The following BSN variants were observed in gnomAD, a reference collection of about 807,000 sequenced individuals.
The protein encoded by BSN is bassoon presynaptic cytomatrix protein.
BSN carries 57 observed loss-of-function variants against 264.8 expected under a neutral mutation model. The ratio of observed to expected loss-of-function variants is 0.22; its 90% CI spans 0.17 to 0.27. BSN has a LOEUF of 0.27. Ranked by LOEUF, BSN falls within the 10% of genes least tolerant of loss-of-function variation. The pLI, the probability that BSN is intolerant of heterozygous loss-of-function variation, is 1.00. For synonymous variants in BSN, 2,059 were observed against 2,137.3 expected, an observed-to-expected ratio of 0.96 and a Z score of 1.01; for missense variants, 4,615 against 5,232.5, an observed-to-expected ratio of 0.88 and a Z score of 3.64.
intron 1 of BSN, among the ~76,000 whole-genome samples, chr3:49,583,161 G>A (rs2051907928): frequency 6.6e-6 from 1 of 151,854 alleles, no homozygotes; most frequent in East Asian, 1.9e-4. Flanking sequence ...TAGAGATGGG[G>A]TTTCACTATA....
At chr3:49,659,396 A>G (rs990407995) in intron 5 of BSN, among the ~76,000 whole-genome samples, 5 of 152,198 alleles carry the variant, frequency 3.3e-5, no homozygotes, top group Non-Finnish European at 7.3e-5. Context: ...GAGGGGTTCA[A>G]AAGGCTAAAT....
At chr3:49,662,631 T>C in intron 6 of BSN, 69 bp downstream of exon 6, 2 of 1,522,708 alleles carry the variant, frequency 1.3e-6, no homozygotes, top group East Asian at 4.6e-5. Flanking sequence ...TGTGGGGCCC[T>C]GGGCCCTAAG....
In BSN at chr3:49,655,300, G is replaced by A. The variant is rs2052588836; in HGVS notation, c.5744G>A (p.Gly1915Asp). The part of the protein sequence containing the change: ...YKLPFGSSCT[G>D]TFHPAPSVPE... ...CTCCCCTTTGGCAGCAGCTGCACTGGCACCTTCCACCCGGCCCCCAGTGTG... is the reference window on the plus strand; with the variant it reads ...CTCCCCTTTGGCAGCAGCTGCACTGACACCTTCCACCCGGCCCCCAGTGTG... Residue 1915 changes from glycine (G) to aspartate (D), a missense_variant, in exon 5 of 12, where the codon GGC (glycine) becomes GAC (aspartate). By Grantham distance (94) the Gly-to-Asp change is moderately conservative. Transcript: ENST00000296452. 3 of 1,612,152 alleles carry A rather than the reference G, an allele frequency of 1.9e-6. No homozygotes were observed. Among genetic ancestry groups the A allele is most frequent in the East Asian group, 2.2e-5 (1 of 44,902 alleles).
At chr3:49,659,618 GA>G (rs1208965611) in intron 5 of BSN, among the ~76,000 whole-genome samples, 1 of 152,084 alleles carries the variant, frequency 6.6e-6, no homozygotes, top group Non-Finnish European at 1.5e-5. Context: ...AGGAGCGAGA[GA>G]AAAAGGGAGA....
chr3:49,588,919 G>GTT (rs752329033), intron 1 of BSN, among the ~76,000 whole-genome samples: 3 of 141,270 alleles, frequency 2.1e-5, no homozygotes, highest in African/African-American at 5.1e-5. Flanking sequence ...TGGGTGGAGT[G>GTT]TTTTTTTTTT....
rs112319921 is a variant in BSN at position 49,598,575 on chromosome 3, G to A, written c.225-26400G>A. Among the ~76,000 whole-genome samples, 13 of 152,264 alleles carry A rather than the reference G, an allele frequency of 8.5e-5. 1 individual carries two copies. Among genetic ancestry groups the A allele is most frequent in the African/African-American group, 2.6e-4 (11 of 41,536 alleles). ...GCCTCCCAAAGTGCTGGGATTACAG[G>A]TGTGAGGCACCATGCCTGGCCTTTT... On this transcript the variant is annotated intron_variant, in intron 1 of 11. Coordinates refer to ENST00000296452, the MANE Select transcript of BSN (RefSeq NM_003458.4).
intron 1 of BSN, among the ~76,000 whole-genome samples, chr3:49,617,283 TTATA>T (rs6147817): frequency 0.027 from 3,321 of 121,708 alleles, 139 homozygotes; most frequent in African/African-American, 0.099. Context: ...ATAAAATACA[TTATA>T]TATATATATA....
intron 1 of BSN, among the ~76,000 whole-genome samples, chr3:49,606,414 A>G (rs761465885): frequency 5.4e-5 from 7 of 130,738 alleles, no homozygotes; most frequent in Non-Finnish European, 1.0e-4. Flanking sequence ...CTCCTTTCTC[A>G]TTCATATTGT....
At chr3:49,644,880 C>T (rs180866044) in intron 3 of BSN, among the ~76,000 whole-genome samples, 2 of 152,344 alleles carry the variant, frequency 1.3e-5, no homozygotes, top group Non-Finnish European at 2.9e-5. Flanking sequence ...TCTTGGCCGT[C>T]CCTGGGCCAG....
chr3:49,605,579 A>AT (rs1198793284), intron 1 of BSN, among the ~76,000 whole-genome samples: 1 of 1,066 alleles, frequency 9.4e-4, no homozygotes, highest in Non-Finnish European at 1.8e-3. Context: ...TATTATATAT[A>AT]TTATATATTT....
At chr3:49,614,568 A>G (rs556102136) in intron 1 of BSN, among the ~76,000 whole-genome samples, 4 of 152,258 alleles carry the variant, frequency 2.6e-5, no homozygotes, top group South Asian at 2.1e-4. Flanking sequence ...GCCTGGTGCA[A>G]TTCTTAGTGA....
intron 2 of BSN, among the ~76,000 whole-genome samples, chr3:49,632,758 C>T (rs911260284): frequency 4.0e-5 from 6 of 151,700 alleles, no homozygotes; most frequent in Non-Finnish European, 7.4e-5. Context: ...GAATCAAGAT[C>T]GCACTACTGG....
intron 1 of BSN, among the ~76,000 whole-genome samples, chr3:49,618,366 A>G (rs1408167776): frequency 1.3e-5 from 2 of 152,208 alleles, no homozygotes; most frequent in Non-Finnish European, 2.9e-5. Context: ...AGCCAAAGCC[A>G]GAATACCTGC....
chr3:49,624,063 C>T (rs535983762), intron 1 of BSN, among the ~76,000 whole-genome samples: 95 of 152,106 alleles, frequency 6.2e-4, no homozygotes, highest in Non-Finnish European at 4.6e-4. Context: ...TGCAGTGGCA[C>T]GATCTTGGCT....
In BSN at chr3:49,652,230, C is replaced by T; in HGVS notation, c.2674C>T (p.Leu892=). 6.2e-7 allele frequency: 1 copy of T among 1,611,080 alleles called. No individual in the cohort carries two copies. Among genetic ancestry groups the T allele is most frequent in the African/African-American group, 1.3e-5 (1 of 74,976 alleles). The stretch of plus-strand genomic sequence containing the variant: ...TGAGCCTAGCCAAGAACCAGCAGCA[C>T]TGCCCAAGAGGCGCCTGCCCCACAA... ...RPEPSQEPAA[L]PKRRLPHNAT... Residue 892 remains leucine (L), a synonymous_variant, in exon 5 of 12, where the codon CTG becomes TTG. Coordinates refer to ENST00000296452, the MANE Select transcript of BSN (RefSeq NM_003458.4).
At position 49,657,012 on chromosome 3, in the gene BSN, C is replaced by A. The variant is rs1468308342; in HGVS notation, c.7456C>A (p.Arg2486=). 2 of 1,610,476 alleles carry A rather than the reference C, an allele frequency of 1.2e-6. No homozygotes were observed. Among genetic ancestry groups the A allele is most frequent in the South Asian group, 2.2e-5 (2 of 90,982 alleles). Reference sequence around the variant, plus strand: ...TCCTGCAGCCTGTGAGGCACCTGGCCGAGGGCCTCCCCTAGCGGCTGCTGA... The same window carrying A: ...TCCTGCAGCCTGTGAGGCACCTGGCAGAGGGCCTCCCCTAGCGGCTGCTGA... ...PFPAACEAPG[R]GPPLAAAELA... The change falls in exon 5 of 12, where the codon CGA becomes AGA. Residue 2486 remains arginine (R), a synonymous_variant. Coordinates refer to ENST00000296452, the MANE Select transcript of BSN (RefSeq NM_003458.4).
chr3:49,653,021 G>A lies in BSN; in HGVS notation c.3465G>A (p.Leu1155=), dbSNP rs2052557891. 1 of 1,613,438 alleles carries A rather than the reference G, an allele frequency of 6.2e-7. No homozygotes were observed. The highest frequency in any genetic ancestry group is 8.5e-7 in the Non-Finnish European group (1 of 1,179,970). Residue 1155 remains leucine (L), a synonymous_variant, in exon 5 of 12, where the codon CTG becomes CTA. Transcript: ENST00000296452. The surrounding 1 kb of genome is among the most constrained non-coding windows in gnomAD (Gnocchi z 6.3). Reference sequence around the variant, plus strand: ...ACAAGTCAGGCAGTGAGTACAACCTGCCCACCTTCATGTCCCTCTACTCAC... The same window carrying A: ...ACAAGTCAGGCAGTGAGTACAACCTACCCACCTTCATGTCCCTCTACTCAC... The part of the protein sequence containing the change: ...RLYKSGSEYN[L]PTFMSLYSPT...
intron 5 of BSN, 43 bp downstream of exon 5, chr3:49,658,239 G>A (rs192274913): frequency 0.011 from 16,790 of 1,487,704 alleles, 116 homozygotes; most frequent in Admixed American, 0.018. Flanking sequence ...AGGGGTCTCT[G>A]CCTAGCCCGA....
At chr3:49,664,380 C>A in intron 8 of BSN, 43 bp from the exon 9 acceptor site, 1 of 1,613,320 alleles carries the variant, frequency 6.2e-7, no homozygotes, top group Non-Finnish European at 8.5e-7. Flanking sequence ...CCCTAAAGAG[C>A]CAGGCCGTGC....
Sources: allele counts gnomAD v4.1 joint callset (sites outside exome capture counted in the v4.1 genomes callset), GRCh38; gene constraint gnomAD v4.1.1; non-coding constraint Gnocchi (gnomAD v3.1); transcripts MANE v1.5; gene names NCBI Gene and HGNC (gene_info 2026-07-23, HGNC 2026-07-21).